The following SLC25A13 variants were observed in gnomAD, a reference collection of about 807,000 sequenced individuals.
SLC25A13 encodes the protein electrogenic aspartate/glutamate antiporter SLC25A13, mitochondrial.
In SLC25A13, 70 loss-of-function variants were observed where a neutral mutation model predicts 85.5. The ratio of observed to expected loss-of-function variants is 0.82; its 90% CI spans 0.68 to 1.00. The LOEUF (loss-of-function observed/expected upper bound fraction) is 1.00, where lower values mean the gene tolerates loss of function less well. Among genes scored for constraint, SLC25A13 ranks in the 50% least tolerant of loss-of-function variants. The pLI, the probability that SLC25A13 is intolerant of heterozygous loss-of-function variation, is 0.00. For missense variants in SLC25A13, 765 were observed against 819.8 expected (o/e 0.93, Z 0.82); for synonymous variants, 259 against 288.7 (o/e 0.90, Z 1.04).
intron 2 of SLC25A13, among the ~76,000 whole-genome samples, chr7:96,293,227 T>G (rs1799197704): frequency 6.6e-6 from 1 of 152,198 alleles, no homozygotes; most frequent in South Asian, 2.1e-4. Flanking sequence ...GCTAGCCATA[T>G]GTAGAAAGTT....
intron 3 of SLC25A13, among the ~76,000 whole-genome samples, chr7:96,240,344 C>A (rs76553795): frequency 0.011 from 1,640 of 152,114 alleles, 32 homozygotes; most frequent in African/African-American, 0.038. Context: ...CTCAGTCTTG[C>A]AATAAAAGTG....
intron 15 of SLC25A13, among the ~76,000 whole-genome samples, chr7:96,127,124 C>T (rs1584342541): frequency 6.6e-6 from 1 of 152,144 alleles, no homozygotes; most frequent in Non-Finnish European, 1.5e-5. Context: ...TATCTTATCA[C>T]TCTGATAAAA....
At chr7:96,270,941 C>T (rs981437983) in intron 3 of SLC25A13, among the ~76,000 whole-genome samples, 3 of 152,082 alleles carry the variant, frequency 2.0e-5, no homozygotes, top group Non-Finnish European at 4.4e-5. Flanking sequence ...GTGGTCACCC[C>T]GTCTCTTCCT....
chr7:96,152,638 A>G (rs1793095298), intron 13 of SLC25A13, among the ~76,000 whole-genome samples: 1 of 152,166 alleles, frequency 6.6e-6, no homozygotes, highest in Admixed American at 6.5e-5. Flanking sequence ...GAGGGATGAG[A>G]GACACAGATG....
chr7:96,234,778 C>T (rs200983190), intron 4 of SLC25A13, 24 bp downstream of exon 4: 71 of 1,547,216 alleles, frequency 4.6e-5, no homozygotes, highest in Admixed American at 8.3e-5. Flanking sequence ...CTTACACAGA[C>T]GTGCACAGAA....
chr7:96,259,857 T>C (rs900776704), intron 3 of SLC25A13, among the ~76,000 whole-genome samples: 2 of 152,142 alleles, frequency 1.3e-5, no homozygotes, highest in East Asian at 1.9e-4. Context: ...ATATACACCA[T>C]AGAATACTAT....
intron 13 of SLC25A13, among the ~76,000 whole-genome samples, chr7:96,147,521 T>C (rs1279209530): frequency 6.6e-6 from 1 of 152,238 alleles, no homozygotes; most frequent in Non-Finnish European, 1.5e-5. Flanking sequence ...ATTTTGAAGC[T>C]AAGCCTATAT....
At chr7:96,321,686 TC>T (rs1800350718) in intron 1 of SLC25A13, among the ~76,000 whole-genome samples, 1 of 151,822 alleles carries the variant, frequency 6.6e-6, no homozygotes, top group African/African-American at 2.4e-5. Flanking sequence ...GGCACCAACT[TC>T]CCTCCCCGGC....
intron 1 of SLC25A13, among the ~76,000 whole-genome samples, chr7:96,304,126 T>G (rs528469821): frequency 6.6e-6 from 1 of 152,186 alleles, no homozygotes; most frequent in African/African-American, 2.4e-5. Flanking sequence ...TCATCCTTCA[T>G]CCTACAGTTT....
intron 3 of SLC25A13, among the ~76,000 whole-genome samples, chr7:96,252,024 A>AT (rs564318365): frequency 3.2e-4 from 48 of 152,168 alleles, no homozygotes; most frequent in African/African-American, 1.1e-3. Flanking sequence ...ACGTCTTTAT[A>AT]TTTTTTTTCT....
At chr7:96,248,311 G>A (rs1797282913) in intron 3 of SLC25A13, among the ~76,000 whole-genome samples, 1 of 152,158 alleles carries the variant, frequency 6.6e-6, no homozygotes, top group Admixed American at 6.6e-5. Context: ...CCTAGTATAG[G>A]AGAAGGGTAG....
intron 1 of SLC25A13, among the ~76,000 whole-genome samples, chr7:96,308,154 C>CA (rs757439839): frequency 0.082 from 6,645 of 81,332 alleles, 473 homozygotes; most frequent in African/African-American, 0.22. Flanking sequence ...ACTCCATCTC[C>CA]AAAAAAAAAA....
intron 4 of SLC25A13, among the ~76,000 whole-genome samples, chr7:96,222,319 C>T (rs960136948): frequency 6.6e-6 from 1 of 152,348 alleles, no homozygotes; most frequent in African/African-American, 2.4e-5. Context: ...GGCGAGCCAG[C>T]CCAGGCCTCC....
chr7:96,296,412 A>C (rs1584586017), intron 2 of SLC25A13, among the ~76,000 whole-genome samples: 1 of 152,192 alleles, frequency 6.6e-6, no homozygotes, highest in South Asian at 2.1e-4. Flanking sequence ...TGTTGTCATC[A>C]CAGTCACCTA....
chr7:96,219,218 C>A (rs1300081381), intron 4 of SLC25A13, among the ~76,000 whole-genome samples: 4 of 152,160 alleles, frequency 2.6e-5, no homozygotes, highest in Admixed American at 6.5e-5. Flanking sequence ...AAGTACTTCA[C>A]ATTAAAATTG....
At chr7:96,190,013 T>G (rs1733504163) in intron 7 of SLC25A13, among the ~76,000 whole-genome samples, 1 of 151,940 alleles carries the variant, frequency 6.6e-6, no homozygotes, top group Admixed American at 6.6e-5. Context: ...CTGGTTAAAT[T>G]AGGATTATTA....
intron 5 of SLC25A13, among the ~76,000 whole-genome samples, chr7:96,207,398 A>G (rs1282923529): frequency 1.3e-5 from 2 of 152,154 alleles, no homozygotes; most frequent in African/African-American, 4.8e-5. Flanking sequence ...ACCTCTACCC[A>G]GAACAGGATT....
intron 13 of SLC25A13, among the ~76,000 whole-genome samples, chr7:96,151,344 T>A (rs1427885688): frequency 2.5e-4 from 38 of 152,176 alleles, no homozygotes; most frequent in Admixed American, 2.4e-3. Flanking sequence ...ACACCTGTAA[T>A]CCCAGCACTT....
chr7:96,283,893 T>C (rs1351689652), intron 2 of SLC25A13: 1 of 152,540 alleles, frequency 6.6e-6, no homozygotes, highest in Non-Finnish European at 1.4e-5. Context: ...AAGAAATATT[T>C]AAAGCAAATT....
Sources: gnomAD v4.1 joint callset for allele counts (sites outside exome capture counted in the v4.1 genomes callset) on GRCh38, gnomAD v4.1.1 for gene constraint, MANE v1.5 for transcripts, NCBI Gene and HGNC (gene_info 2026-07-23, HGNC 2026-07-21) for gene names.